KIRREL1: variants seen among roughly 807,000 people sequenced by gnomAD.
KIRREL1 encodes kin of IRRE-like protein 1.
KIRREL1 carries 25 observed loss-of-function variants against 83.3 expected under a neutral mutation model. That is an observed-to-expected ratio of 0.30 (90% CI 0.22 to 0.42). The LOEUF (loss-of-function observed/expected upper bound fraction) is 0.42. Among genes scored for constraint, KIRREL1 ranks in the 10% least tolerant of loss-of-function variants. The probability of loss-of-function intolerance (pLI) is 1.00; values close to 1 mark genes in which losing one functional copy is unlikely to be tolerated. For synonymous variants in KIRREL1, 388 were observed against 410.4 expected (o/e 0.95, Z 0.66); for missense variants, 812 against 1,032.3 (o/e 0.79, Z 2.92).
At chr1:158,074,593 G>T (rs1026654154) in intron 1 of KIRREL1, among the ~76,000 whole-genome samples, 1 of 152,134 alleles carries the variant, frequency 6.6e-6, no homozygotes, top group Non-Finnish European at 1.5e-5. Flanking sequence ...AGGAAACCCC[G>T]TACATAGTGA....
intron 1 of KIRREL1, among the ~76,000 whole-genome samples, chr1:158,029,527 A>T (rs1660266338): frequency 1.3e-5 from 2 of 152,226 alleles, no homozygotes; most frequent in African/African-American, 4.8e-5. Flanking sequence ...TATTTAGATA[A>T]TGATGGGGAA....
chr1:158,076,937 C>T (rs761072716), intron 2 of KIRREL1, among the ~76,000 whole-genome samples: 3 of 152,160 alleles, frequency 2.0e-5, no homozygotes, highest in Admixed American at 6.5e-5. Flanking sequence ...GTCCTGCCTC[C>T]GCCAGCTGGG....
intron 1 of KIRREL1, among the ~76,000 whole-genome samples, chr1:158,060,409 A>T (rs1661183521): frequency 6.6e-6 from 1 of 151,844 alleles, no homozygotes; most frequent in Non-Finnish European, 1.5e-5. Flanking sequence ...TCTATCTTTC[A>T]TGCATGGGAC....
chr1:158,048,223 G>C (rs1270032116), intron 1 of KIRREL1, among the ~76,000 whole-genome samples: 1 of 152,208 alleles, frequency 6.6e-6, no homozygotes, highest in Non-Finnish European at 1.5e-5. Flanking sequence ...ATGGAAGGAA[G>C]AAGGATAGGG....
rs1424290163 is a variant in KIRREL1 at position 158,097,885 on chromosome 1, CT to C, written c.*2768del. The C allele has an allele frequency of 6.6e-6, 1 of 152,074 alleles. No individual in the cohort carries two copies. The highest frequency in any genetic ancestry group is 1.5e-5 in the Non-Finnish European group (1 of 68,024). 9.4% of individuals were successfully genotyped at this position (152,074 alleles called of 1,614,324 possible). On this transcript the variant is annotated 3_prime_UTR_variant, in exon 15 of 15. Transcript: ENST00000359209. The stretch of plus-strand genomic sequence containing the variant: ...CTGCAAAGGTTAGATCTCGGCCTAA[CT>C]TTCTGTTCATTGCCCCCAATTTGTC...
chr1:158,065,507 C>A (rs1192594152), intron 1 of KIRREL1, among the ~76,000 whole-genome samples: 1 of 152,088 alleles, frequency 6.6e-6, no homozygotes, highest in Non-Finnish European at 1.5e-5. Context: ...GGCAGGATGG[C>A]AAGAGATGAA....
chr1:158,091,793 G>T (rs1662204937), intron 11 of KIRREL1, among the ~76,000 whole-genome samples: 1 of 152,190 alleles, frequency 6.6e-6, no homozygotes, highest in Non-Finnish European at 1.5e-5. Context: ...ACTCTCTGGG[G>T]CCTTCCCTCC....
In KIRREL1 at chr1:158,088,195, G is replaced by A. The variant is rs200815888; in HGVS notation, c.916+41G>A. 231 of 1,613,882 alleles carry A rather than the reference G, an allele frequency of 1.4e-4. No individual in the cohort carries two copies. The South Asian group carries it at 2.3e-3, about 16-fold the overall frequency. On this transcript the variant is annotated intron_variant, in intron 7 of 14. Transcript: ENST00000359209. Reference sequence around the variant, plus strand: ...GGCAGGGACGGGGACAGAGAGCAGGGGCCCCCAAAGGGCCTTGGACAGAGT... The same window carrying A: ...GGCAGGGACGGGGACAGAGAGCAGGAGCCCCCAAAGGGCCTTGGACAGAGT...
At chr1:158,045,539 C>T (rs541154856) in intron 1 of KIRREL1, among the ~76,000 whole-genome samples, 3 of 152,206 alleles carry the variant, frequency 2.0e-5, no homozygotes, top group Admixed American at 6.5e-5. Flanking sequence ...AAGAGACACA[C>T]AGGACCAGCT....
intron 1 of KIRREL1, among the ~76,000 whole-genome samples, chr1:158,012,731 G>A (rs1659721675): frequency 6.6e-6 from 1 of 152,228 alleles, no homozygotes; most frequent in Non-Finnish European, 1.5e-5. Flanking sequence ...AAAGTCTATA[G>A]GGGCAAGGGC....
intron 1 of KIRREL1, among the ~76,000 whole-genome samples, chr1:158,053,755 A>T (rs1290984094): frequency 1.3e-5 from 2 of 152,230 alleles, no homozygotes; most frequent in Admixed American, 6.5e-5. Flanking sequence ...GCTATTCCTT[A>T]TTAATCCCTT....
At chr1:158,075,860 G>A (rs1661663614) in intron 1 of KIRREL1, among the ~76,000 whole-genome samples, 1 of 152,200 alleles carries the variant, frequency 6.6e-6, no homozygotes, top group Non-Finnish European at 1.5e-5. Flanking sequence ...CTGTAACAGT[G>A]CACTATTTTC....
At chr1:158,045,588 C>T (rs189009969) in intron 1 of KIRREL1, among the ~76,000 whole-genome samples, 6 of 152,298 alleles carry the variant, frequency 3.9e-5, no homozygotes, top group Admixed American at 3.9e-4. Context: ...GTGCCCTCTC[C>T]CTGTGGAATC....
intron 3 of KIRREL1, among the ~76,000 whole-genome samples, chr1:158,078,466 C>T (rs553033298): frequency 6.2e-4 from 94 of 152,266 alleles, no homozygotes; most frequent in African/African-American, 2.2e-3. Flanking sequence ...GATGGAGACC[C>T]GGGCCCTCCT....
intron 1 of KIRREL1, among the ~76,000 whole-genome samples, chr1:158,042,040 G>A (rs922471526): frequency 1.1e-4 from 17 of 152,140 alleles, no homozygotes; most frequent in African/African-American, 3.9e-4. Flanking sequence ...AGCACTTCTG[G>A]AGCTCAGAGA....
intron 1 of KIRREL1, among the ~76,000 whole-genome samples, chr1:158,010,148 GC>G (rs988367785): frequency 1.3e-5 from 2 of 152,012 alleles, no homozygotes; most frequent in Non-Finnish European, 2.9e-5. Context: ...CCCAAATGAG[GC>G]CCTGGATCTC....
chr1:158,008,672 C>G (rs1270803473), intron 1 of KIRREL1, among the ~76,000 whole-genome samples: 1 of 152,080 alleles, frequency 6.6e-6, no homozygotes, highest in Non-Finnish European at 1.5e-5. Context: ...GTAGTAGGAT[C>G]AGATGAAGAG....
chr1:158,009,206 G>A (rs775606490), intron 1 of KIRREL1, among the ~76,000 whole-genome samples: 6 of 152,130 alleles, frequency 3.9e-5, no homozygotes, highest in African/African-American at 9.7e-5. Flanking sequence ...CCCGAGAAGC[G>A]GATGGGGGAC....
At chr1:158,039,193 G>A (rs1397099038) in intron 1 of KIRREL1, among the ~76,000 whole-genome samples, 1 of 152,172 alleles carries the variant, frequency 6.6e-6, no homozygotes, top group East Asian at 1.9e-4. Flanking sequence ...CATCATAAAT[G>A]CCTGGACTTT....
Sources: gnomAD v4.1 joint callset for allele counts (sites outside exome capture counted in the v4.1 genomes callset) on GRCh38, gnomAD v4.1.1 for gene constraint, MANE v1.5 for transcripts, NCBI Gene and HGNC (gene_info 2026-07-23, HGNC 2026-07-21) for gene names.